Variants in PRKACB observed in about 807,000 individuals in gnomAD.
The protein encoded by PRKACB is protein kinase cAMP-activated catalytic subunit beta.
A neutral mutation model predicts 51.4 loss-of-function variants in PRKACB; 16 were observed. The ratio of observed to expected loss-of-function variants is 0.31; its 90% CI spans 0.21 to 0.47. The LOEUF is 0.47. PRKACB is among the 20% of genes least tolerant of loss of function. The pLI, the probability that PRKACB is intolerant of heterozygous loss-of-function variation, is 1.00. For missense variants in PRKACB, 309 were observed against 464.5 expected, an observed-to-expected ratio of 0.67 and a Z score of 3.08; for synonymous variants, 147 against 154.4, an observed-to-expected ratio of 0.95 and a Z score of 0.35.
In PRKACB at chr1:84,108,237, A is replaced by C. The variant is rs534890023; in HGVS notation, c.46+29866A>C. The stretch of plus-strand genomic sequence containing the variant: ...CTAACAAAGGAGCAGAAAACCAACT[A>C]TCACATGTTCTCACTTATAAGTGGG... On this transcript the variant is annotated intron_variant, in intron 1 of 8. Coordinates refer to the PRKACB transcript ENST00000370688. Among the ~76,000 whole-genome samples the C allele has an allele frequency of 5.5e-4, 84 of 152,158 alleles. 1 individual carries two copies. In the South Asian group the frequency reaches 0.017, roughly 30 times the overall value.
intron 1 of PRKACB, among the ~76,000 whole-genome samples, chr1:84,099,068 G>T (rs895788144): frequency 2.6e-5 from 4 of 151,870 alleles, no homozygotes; most frequent in African/African-American, 9.7e-5. Context: ...GGGTAGGGTG[G>T]GAATGTACAT....
At position 84,159,129 on chromosome 1, in the gene PRKACB, C is replaced by T. The variant is rs151080657; in HGVS notation, c.187+14581C>T. On this transcript the variant is annotated intron_variant, in intron 1 of 9. Coordinates refer to ENST00000370685, the MANE Select transcript of PRKACB (RefSeq NM_182948.4). The stretch of plus-strand genomic sequence containing the variant: ...GTTTTGTCTATTTTGGGGTCCTTTG[C>T]ATTTTCATATAAATTTCTGGATCAA... 1.3e-3 allele frequency among the ~76,000 whole-genome samples: 202 copies of T among 152,170 alleles called. 1 individual carries two copies. The highest frequency in any genetic ancestry group is 4.4e-3 in the South Asian group (21 of 4,818).
chr1:84,223,081 A>G (rs751440554), intron 9 of PRKACB, among the ~76,000 whole-genome samples: 1 of 152,192 alleles, frequency 6.6e-6, no homozygotes, highest in Non-Finnish European at 1.5e-5. Flanking sequence ...GTTTTCAACT[A>G]TTATTAAATT....
Position 84,234,686 on chromosome 1 carries a change from G to A in PRKACB, c.1072-494G>A, listed in dbSNP as rs183629230. The stretch of plus-strand genomic sequence containing the variant: ...GGAGTGACCTGATTTTCCAGGTGCC[G>A]TCTGTCACCCCTTTCTTTGACTAGG... On this transcript the variant is annotated intron_variant, in intron 9 of 9. Coordinates refer to ENST00000370685, the MANE Select transcript of PRKACB (RefSeq NM_182948.4). Among the ~76,000 whole-genome samples, 215 of 152,292 alleles carry A rather than the reference G, an allele frequency of 1.4e-3. 7 individuals carry two copies. The highest frequency in any genetic ancestry group is 0.014 in the Middle Eastern group (4 of 294).
At position 84,217,039 on chromosome 1, in the gene PRKACB, G is replaced by A. The variant is rs535650069; in HGVS notation, c.1071+2722G>A. On this transcript the variant is annotated intron_variant, in intron 9 of 9. Transcript: ENST00000370685. ...TGAACTGTGGTGTTAGGTAGACATT[G>A]ATCTGAATCCCTGATCAACCAATCA... Among the ~76,000 whole-genome samples, 3 of 152,262 alleles carry A rather than the reference G, an allele frequency of 2.0e-5. No individual in the cohort carries two copies. The East Asian group carries it at 5.8e-4, about 29-fold the overall frequency.
chr1:84,179,028 T>C, intron 1 of PRKACB, 149 bp from the exon 2 acceptor site: 1 of 926,620 alleles, frequency 1.1e-6, no homozygotes, highest in Non-Finnish European at 1.5e-6. Context: ...TAAATAGCTC[T>C]TTAATGTATC....
chr1:84,112,750 G>A (rs1650338959), intron 1 of PRKACB, among the ~76,000 whole-genome samples: 1 of 152,174 alleles, frequency 6.6e-6, no homozygotes, highest in Admixed American at 6.5e-5. Context: ...AGAAAGGCAG[G>A]TAGCAAGGTA....
rs1376942271 is a variant in PRKACB, at chr1:84,130,911, A to G, written c.47-48266A>G. On this transcript the variant is annotated intron_variant, in intron 1 of 8. Coordinates refer to the PRKACB transcript ENST00000370688. The stretch of plus-strand genomic sequence containing the variant: ...GTTTTTTCTCCTCTTAAGTTCATTA[A>G]GATATGTATAATGGTAGAAATAAAA... Among the ~76,000 whole-genome samples, 3 of 152,348 alleles carry G rather than the reference A, an allele frequency of 2.0e-5. No individual in the cohort carries two copies. In the East Asian group the frequency reaches 5.8e-4, roughly 29 times the overall value.
chr1:84,175,286 A>T (rs1333898678), intron 1 of PRKACB, among the ~76,000 whole-genome samples: 1 of 151,776 alleles, frequency 6.6e-6, no homozygotes, highest in Non-Finnish European at 1.5e-5. Flanking sequence ...CTGTAGCACC[A>T]TGAAACAGTA....
At position 84,174,980 on chromosome 1, in the gene PRKACB, AAT is replaced by A. The variant is rs558788103; in HGVS notation, c.188-4194_188-4193del. 124 of 1,413,968 alleles carry A rather than the reference AAT, an allele frequency of 8.8e-5. No individual in the cohort carries two copies. The South Asian group carries it at 1.7e-3, about 19-fold the overall frequency. 87.6% of individuals were successfully genotyped at this position (1,413,968 alleles called of 1,614,324 possible). On this transcript the variant is annotated intron_variant, in intron 1 of 9. Transcript: ENST00000370685. ...AAATGCGTATTGGTGACTTCATGCT[AAT>A]ATGTTATTCATATAATTTAATCATT...
intron 1 of PRKACB, among the ~76,000 whole-genome samples, chr1:84,149,399 A>C (rs1040004397): frequency 1.3e-5 from 2 of 152,092 alleles, no homozygotes; most frequent in African/African-American, 4.8e-5. Flanking sequence ...AGCTGGGACT[A>C]TAGGCATGTG....
chr1:84,228,061 G>T (rs888137256), intron 9 of PRKACB, among the ~76,000 whole-genome samples: 2 of 152,100 alleles, frequency 1.3e-5, no homozygotes, highest in Admixed American at 6.5e-5. Flanking sequence ...TCATTCTTCT[G>T]GGTAGTGCAA....
intron 1 of PRKACB, chr1:84,086,169 A>G (rs1571520032): frequency 6.3e-7 from 1 of 1,598,664 alleles, no homozygotes. Flanking sequence ...GATGTGGTGG[A>G]CAAGTTTGTG....
intron 1 of PRKACB, among the ~76,000 whole-genome samples, chr1:84,155,690 G>C (rs1438064457): frequency 6.6e-6 from 1 of 152,126 alleles, no homozygotes; most frequent in Non-Finnish European, 1.5e-5. Flanking sequence ...CAGGAAGAAT[G>C]ATATGTGTCT....
intron 9 of PRKACB, among the ~76,000 whole-genome samples, chr1:84,225,299 G>A (rs1379438276): frequency 6.6e-6 from 1 of 152,226 alleles, no homozygotes; most frequent in Non-Finnish European, 1.5e-5. Context: ...TCCTGTTGTG[G>A]GGGCTGGGCA....
rs1427843206 is a variant in PRKACB at position 84,091,742 on chromosome 1, C to T, written c.46+13371C>T. Reference sequence around the variant, plus strand: ...CTGGTCTTGAACTCCTGGGTTCAAGCGATCCACCCACCTCAGCCTTCCAAA... The same window carrying T: ...CTGGTCTTGAACTCCTGGGTTCAAGTGATCCACCCACCTCAGCCTTCCAAA... On this transcript the variant is annotated intron_variant, in intron 1 of 8. Coordinates refer to the PRKACB transcript ENST00000370688. Among the ~76,000 whole-genome samples, 12 of 152,178 alleles carry T rather than the reference C, an allele frequency of 7.9e-5. No homozygotes were observed. In the East Asian group the frequency reaches 1.4e-3, roughly 17 times the overall value.
chr1:84,227,297 T>C (rs1674778574), intron 9 of PRKACB, among the ~76,000 whole-genome samples: 1 of 152,130 alleles, frequency 6.6e-6, no homozygotes, highest in Non-Finnish European at 1.5e-5. Flanking sequence ...TTTGACTCAA[T>C]TTAAGAAATT....
intron 1 of PRKACB, among the ~76,000 whole-genome samples, chr1:84,128,562 C>T (rs983286130): frequency 5.3e-5 from 8 of 152,038 alleles, no homozygotes; most frequent in Non-Finnish European, 2.9e-5. Context: ...TTGAAGTGTA[C>T]TTTGATTTTC....
chr1:84,106,179 C>G (rs752482476), intron 1 of PRKACB, among the ~76,000 whole-genome samples: 5 of 151,972 alleles, frequency 3.3e-5, no homozygotes, highest in African/African-American at 9.7e-5. Flanking sequence ...CCCATGGATA[C>G]CAAGGGGTGA....
Sources: gnomAD v4.1 joint callset for allele counts (sites outside exome capture counted in the v4.1 genomes callset) on GRCh38, gnomAD v4.1.1 for gene constraint, MANE v1.5 for transcripts, NCBI Gene and HGNC (gene_info 2026-07-23, HGNC 2026-07-21) for gene names.